Variants in M1AP observed in about 807,000 individuals in gnomAD.
M1AP encodes the protein meiosis 1 associated protein.
M1AP carries 39 observed loss-of-function variants against 51.2 expected under a neutral mutation model. That is an observed-to-expected ratio of 0.76 (90% CI 0.59 to 1.00). The LOEUF (loss-of-function observed/expected upper bound fraction) is 1.00. Ranked by LOEUF, M1AP falls within the 50% of genes least tolerant of loss-of-function variation. The probability of loss-of-function intolerance (pLI) is 0.00; values close to 1 mark genes in which losing one functional copy is unlikely to be tolerated. For synonymous variants in M1AP, 251 were observed against 249.2 expected (o/e 1.01, Z -0.07); for missense variants, 545 against 641.2 (o/e 0.85, Z 1.62).
At chr2:74,629,453 T>C (rs991473628) in intron 2 of M1AP, among the ~76,000 whole-genome samples, 3 of 152,170 alleles carry the variant, frequency 2.0e-5, no homozygotes, top group African/African-American at 7.2e-5. Context: ...AACAAAATTA[T>C]TTTAAAAATG....
intron 7 of M1AP, among the ~76,000 whole-genome samples, chr2:74,572,287 T>C (rs376789553): frequency 3.3e-5 from 5 of 152,208 alleles, no homozygotes; most frequent in African/African-American, 1.2e-4. Context: ...ATGGGCTTTG[T>C]AGTCAACAGA....
intron 1 of M1AP, chr2:74,647,393 C>A: frequency 3.0e-6 from 3 of 985,356 alleles, no homozygotes; most frequent in Non-Finnish European, 3.6e-6. Flanking sequence ...ATAAACGATT[C>A]AATGGTTCTC....
At chr2:74,601,785 G>T (rs921946090) in intron 4 of M1AP, among the ~76,000 whole-genome samples, 1 of 152,098 alleles carries the variant, frequency 6.6e-6, no homozygotes, top group African/African-American at 2.4e-5. Flanking sequence ...TCCTGTAAAA[G>T]AACTTTCTAA....
intron 2 of M1AP, among the ~76,000 whole-genome samples, chr2:74,637,373 C>A (rs1683046747): frequency 1.3e-5 from 2 of 152,168 alleles, no homozygotes; most frequent in South Asian, 4.1e-4. Flanking sequence ...GTCTTAATGT[C>A]CTCATCTGCT....
At position 74,558,705 on chromosome 2, in the gene M1AP, G is replaced by C; in HGVS notation, c.*11C>G. The C allele has an allele frequency of 6.2e-7, 1 of 1,611,658 alleles. No individual in the cohort carries two copies. The highest frequency in any genetic ancestry group is 8.5e-7 in the Non-Finnish European group (1 of 1,179,034). On this transcript the variant is annotated 3_prime_UTR_variant, in exon 11 of 11. Coordinates refer to ENST00000421985, the MANE Select transcript of M1AP (RefSeq NM_001321739.2). ...GGTTAAGCTGGGCAGCTGGGCTCTG[G>C]TGCTGGTGACTTAGGGCCTTGAGGG...
At chr2:74,589,708 C>A (rs1679929266) in intron 4 of M1AP, among the ~76,000 whole-genome samples, 1 of 152,178 alleles carries the variant, frequency 6.6e-6, no homozygotes, top group African/African-American at 2.4e-5. Context: ...CTGTAGTGGA[C>A]ATGCCTCTTT....
intron 4 of M1AP, among the ~76,000 whole-genome samples, chr2:74,583,247 A>C (rs915533519): frequency 2.0e-5 from 3 of 152,182 alleles, no homozygotes; most frequent in Non-Finnish European, 4.4e-5. Context: ...AATTTAAAAA[A>C]ATTAAAAGGA....
intron 2 of M1AP, among the ~76,000 whole-genome samples, chr2:74,629,155 A>G (rs984571573): frequency 1.1e-4 from 17 of 152,250 alleles, no homozygotes; most frequent in African/African-American, 4.1e-4. Flanking sequence ...TTCAGAAGTT[A>G]CAGAGATGAA....
At chr2:74,607,359 G>A in intron 3 of M1AP, 136 bp from the exon 4 acceptor site, 1 of 837,568 alleles carries the variant, frequency 1.2e-6, no homozygotes, top group Admixed American at 2.5e-5. Flanking sequence ...AAAAGGATTT[G>A]GCTGTAACTT....
At chr2:74,598,203 G>A (rs942951208) in intron 4 of M1AP, among the ~76,000 whole-genome samples, 14 of 152,116 alleles carry the variant, frequency 9.2e-5, no homozygotes, top group Non-Finnish European at 2.1e-4. Flanking sequence ...CCAACATGGT[G>A]AAACCCTGTC....
chr2:74,566,649 CA>C (rs112980919), intron 7 of M1AP, among the ~76,000 whole-genome samples: 14 of 145,542 alleles, frequency 9.6e-5, no homozygotes, highest in African/African-American at 2.3e-4. Context: ...CTATCCCCCC[CA>C]CCCGCCCAGA....
At chr2:74,621,281 C>CA (rs1301234838) in intron 2 of M1AP, among the ~76,000 whole-genome samples, 12 of 150,846 alleles carry the variant, frequency 8.0e-5, no homozygotes, top group Middle Eastern at 3.4e-3. Context: ...GGCTCCGTCT[C>CA]AAAAAAAACC....
chr2:74,612,111 T>C (rs1681399954), intron 3 of M1AP, among the ~76,000 whole-genome samples: 1 of 151,682 alleles, frequency 6.6e-6, no homozygotes, highest in African/African-American at 2.4e-5. Context: ...CAGGATGGTC[T>C]CGATCGCCTG....
At chr2:74,627,764 T>C (rs1028551682) in intron 2 of M1AP, among the ~76,000 whole-genome samples, 6 of 152,202 alleles carry the variant, frequency 3.9e-5, no homozygotes, top group African/African-American at 1.4e-4. Context: ...TTAATACCAC[T>C]AGCCCTAATT....
At chr2:74,616,967 T>C (rs889635542) in intron 2 of M1AP, among the ~76,000 whole-genome samples, 1 of 152,192 alleles carries the variant, frequency 6.6e-6, no homozygotes, top group African/African-American at 2.4e-5. Context: ...GTTGAGTTTA[T>C]TGCATCATTA....
At chr2:74,607,024 A>G (rs899991928) in intron 4 of M1AP, 31 bp downstream of exon 4, 7 of 1,603,880 alleles carry the variant, frequency 4.4e-6, no homozygotes, top group African/African-American at 4.0e-5. Flanking sequence ...AAATTCTTAC[A>G]ATTCTTTTTA....
At chr2:74,575,417 C>A in intron 7 of M1AP, 21 bp downstream of exon 7, 15 of 1,613,012 alleles carry the variant, frequency 9.3e-6, no homozygotes, top group Non-Finnish European at 1.2e-5. Flanking sequence ...TTCTTTTTCA[C>A]CTGGGGACAT....
rs1681066947 is a variant in M1AP, at chr2:74,607,214, G to A, written c.436C>T (p.Leu146=). 1.2e-6 allele frequency: 2 copies of A among 1,613,840 alleles called. No individual in the cohort carries two copies. Among genetic ancestry groups the A allele is most frequent in the African/African-American group, 2.7e-5 (2 of 74,896 alleles). The change falls in exon 4 of 11, where the codon CTG becomes TTG. Residue 146 remains leucine, a synonymous_variant. Transcript: ENST00000421985. The stretch of plus-strand genomic sequence containing the variant: ...ACCTCTTTTCCAGGCTGAGAAGTCA[G>A]AATAGTAATCTGAAAATAAATCCAA... ...LTYTSLEITI[L]TSQPGKEVVK...
intron 1 of M1AP, chr2:74,647,561 A>T (rs1029175671): frequency 4.5e-6 from 1 of 223,568 alleles, no homozygotes; most frequent in African/African-American, 2.3e-5. Flanking sequence ...AAATCAAAAC[A>T]CTTTCTTTGA....
Sources: gnomAD v4.1 joint callset for allele counts (sites outside exome capture counted in the v4.1 genomes callset) on GRCh38, gnomAD v4.1.1 for gene constraint, MANE v1.5 for transcripts, NCBI Gene and HGNC (gene_info 2026-07-23, HGNC 2026-07-21) for gene names.